The following ATP10A variants were observed in gnomAD, a reference collection of about 807,000 sequenced individuals.
ATP10A encodes phospholipid-transporting ATPase VA.
ATP10A carries 111 observed loss-of-function variants against 147.8 expected under a neutral mutation model. That is an observed-to-expected ratio of 0.75 (90% CI 0.64 to 0.88). The LOEUF (loss-of-function observed/expected upper bound fraction) is 0.88. Among genes scored for constraint, ATP10A ranks in the 40% least tolerant of loss-of-function variants. The probability of loss-of-function intolerance (pLI) is 0.00; values close to 1 mark genes in which losing one functional copy is unlikely to be tolerated. For synonymous variants in ATP10A, 875 were observed against 841.6 expected, an observed-to-expected ratio of 1.04 and a Z score of -0.69; for missense variants, 1,927 against 1,959.0, an observed-to-expected ratio of 0.98 and a Z score of 0.31.
At chr15:25,704,102 G>A (rs1319165614) in intron 12 of ATP10A, among the ~76,000 whole-genome samples, 2 of 152,230 alleles carry the variant, frequency 1.3e-5, no homozygotes, top group African/African-American at 4.8e-5. Flanking sequence ...TTGGGCTCTA[G>A]TAGGGGGGCA....
chr15:25,831,692 A>G (rs1204490122), intron 1 of ATP10A, among the ~76,000 whole-genome samples: 1 of 152,228 alleles, frequency 6.6e-6, no homozygotes, highest in African/African-American at 2.4e-5. Flanking sequence ...CCTATGGGCA[A>G]CACCTCACTG....
chr15:25,805,728 C>G (rs1009956332), intron 1 of ATP10A, among the ~76,000 whole-genome samples: 1 of 152,100 alleles, frequency 6.6e-6, no homozygotes, highest in Non-Finnish European at 1.5e-5. Context: ...AAAATTAAGT[C>G]TAGGGAATGC....
chr15:25,690,780 G>A (rs1263201879), intron 15 of ATP10A, among the ~76,000 whole-genome samples: 1 of 152,190 alleles, frequency 6.6e-6, no homozygotes, highest in Non-Finnish European at 1.5e-5. Flanking sequence ...AGACACAAAG[G>A]TGAGTCAAAC....
At chr15:25,755,535 A>T (rs1218245417) in intron 2 of ATP10A, among the ~76,000 whole-genome samples, 1 of 152,176 alleles carries the variant, frequency 6.6e-6, no homozygotes, top group Non-Finnish European at 1.5e-5. Flanking sequence ...CTAATAGGTG[A>T]CTCCGAAAAC....
intron 2 of ATP10A, among the ~76,000 whole-genome samples, chr15:25,768,508 T>C (rs1013067423): frequency 6.6e-6 from 1 of 151,074 alleles, no homozygotes; most frequent in African/African-American, 2.4e-5. Context: ...TGTTTCCAAT[T>C]TCTAATTGAC....
At chr15:25,754,594 T>C (rs1353532149) in intron 2 of ATP10A, among the ~76,000 whole-genome samples, 2 of 152,110 alleles carry the variant, frequency 1.3e-5, no homozygotes, top group Admixed American at 1.3e-4. Flanking sequence ...TGGAAAATCA[T>C]TGGCTGAGTT....
At chr15:25,811,912 G>T (rs538893483) in intron 1 of ATP10A, among the ~76,000 whole-genome samples, 8 of 152,198 alleles carry the variant, frequency 5.3e-5, no homozygotes, top group African/African-American at 1.9e-4. Context: ...CCACCCCGAT[G>T]CCAGAGGAAA....
chr15:25,714,460 T>TAAAACTTCAAAAAAAAAA (rs1384069808), intron 9 of ATP10A, among the ~76,000 whole-genome samples: 1 of 152,080 alleles, frequency 6.6e-6, no homozygotes, highest in Non-Finnish European at 1.5e-5. Flanking sequence ...ACATGTATCA[T>TAAAACTTCAAAAAAAAAA]AAAACTTCTT....
intron 1 of ATP10A, among the ~76,000 whole-genome samples, chr15:25,823,940 C>T (rs1047180593): frequency 5.9e-5 from 9 of 152,182 alleles, no homozygotes; most frequent in African/African-American, 1.9e-4. Flanking sequence ...CGTTCTTTTG[C>T]ACCTATGCAC....
At chr15:25,806,742 T>C (rs1891208263) in intron 1 of ATP10A, among the ~76,000 whole-genome samples, 1 of 152,236 alleles carries the variant, frequency 6.6e-6, no homozygotes, top group Non-Finnish European at 1.5e-5. Flanking sequence ...CGGTCAACAG[T>C]AAGCTATCAG....
chr15:25,729,610 C>T (rs988820987), intron 3 of ATP10A, among the ~76,000 whole-genome samples: 1 of 152,124 alleles, frequency 6.6e-6, no homozygotes. Flanking sequence ...AACCAGCCGA[C>T]CCTGCAGCCC....
intron 2 of ATP10A, among the ~76,000 whole-genome samples, chr15:25,759,015 T>G (rs1298834390): frequency 6.6e-6 from 1 of 152,234 alleles, no homozygotes; most frequent in Non-Finnish European, 1.5e-5. Context: ...TAGTTTAGCC[T>G]GTGCGATCTA....
rs566549445 is a variant in ATP10A, at chr15:25,753,367, T to A, written c.655-17226A>T. On this transcript the variant is annotated intron_variant, in intron 2 of 20. Coordinates refer to ENST00000555815, the MANE Select transcript of ATP10A (RefSeq NM_024490.4). ...TTGTCTTTCTGTGCCTGGCTTATTT[T>A]ACTTAACATAATGTTGTCTAACTCC... Among the ~76,000 whole-genome samples the A allele has an allele frequency of 1.2e-4, 19 of 152,346 alleles. No homozygotes were observed. The East Asian group carries it at 3.5e-3, about 28-fold the overall frequency.
At chr15:25,689,580 G>A (rs775961912) in intron 15 of ATP10A, among the ~76,000 whole-genome samples, 1 of 152,178 alleles carries the variant, frequency 6.6e-6, no homozygotes, top group Non-Finnish European at 1.5e-5. Context: ...AAGCAACAGG[G>A]TCCCAGTGCT....
intron 2 of ATP10A, among the ~76,000 whole-genome samples, chr15:25,763,400 C>T (rs1471372499): frequency 6.6e-6 from 1 of 152,178 alleles, no homozygotes; most frequent in Non-Finnish European, 1.5e-5. Context: ...AGGCTCCTCC[C>T]CCTGCATCCA....
intron 2 of ATP10A, among the ~76,000 whole-genome samples, chr15:25,757,470 A>T (rs1393716695): frequency 6.6e-6 from 1 of 152,148 alleles, no homozygotes; most frequent in East Asian, 1.9e-4. Context: ...TCTTGAGAAG[A>T]TAGAAGGATA....
At chr15:25,812,623 A>T (rs1226188928) in intron 1 of ATP10A, among the ~76,000 whole-genome samples, 2 of 152,168 alleles carry the variant, frequency 1.3e-5, no homozygotes, top group African/African-American at 4.8e-5. Flanking sequence ...ATTTTGTTCT[A>T]CTTTAAATTA....
intron 1 of ATP10A, among the ~76,000 whole-genome samples, chr15:25,809,337 C>T (rs1329109433): frequency 2.6e-5 from 4 of 152,106 alleles, no homozygotes; most frequent in Admixed American, 6.5e-5. Flanking sequence ...CCTTCAGACA[C>T]GGCTTACTGC....
intron 2 of ATP10A, among the ~76,000 whole-genome samples, chr15:25,737,166 T>C (rs979571548): frequency 1.3e-5 from 2 of 152,118 alleles, no homozygotes; most frequent in Non-Finnish European, 2.9e-5. Flanking sequence ...CTTCTTGGAG[T>C]GTAATTAGCC....
Sources: allele counts gnomAD v4.1 joint callset (sites outside exome capture counted in the v4.1 genomes callset), GRCh38; gene constraint gnomAD v4.1.1; transcripts MANE v1.5; gene names NCBI Gene and HGNC (gene_info 2026-07-23, HGNC 2026-07-21).